Variants in PCDHGA4 observed in about 807,000 individuals in gnomAD.
The protein encoded by PCDHGA4 is protocadherin gamma-A4.
Under a neutral mutation model 54.6 loss-of-function variants are expected in PCDHGA4, and 38 were observed. The observed-to-expected ratio is 0.70, with a 90% confidence interval of 0.54 to 0.91. PCDHGA4 has a LOEUF of 0.91. PCDHGA4 is among the 40% of genes least tolerant of loss of function. The probability of loss-of-function intolerance (pLI) is 0.00; values close to 1 mark genes in which losing one functional copy is unlikely to be tolerated. For synonymous variants in PCDHGA4, 511 were observed against 512.9 expected (o/e 1.00, Z 0.05); for missense variants, 1,298 against 1,220.9 (o/e 1.06, Z -0.94).
rs775037681 is a variant in PCDHGA4 at position 141,388,812 on chromosome 5, G to T, written c.2514+31191G>T. On this transcript the variant is annotated intron_variant, in intron 1 of 3. Transcript: ENST00000571252. Reference sequence around the variant, plus strand: ...TTTAAATACATTAGATTTTGAAGAAGTCAAAGAATATTCCATAGTTTTGGA... The same window carrying T: ...TTTAAATACATTAGATTTTGAAGAATTCAAAGAATATTCCATAGTTTTGGA... 2.1e-5 allele frequency: 34 copies of T among 1,613,816 alleles called. No homozygotes were observed. Among genetic ancestry groups the T allele is most frequent in the Non-Finnish European group, 2.8e-5 (33 of 1,179,866 alleles).
intron 1 of PCDHGA4, chr5:141,387,841 C>T: frequency 2.5e-6 from 4 of 1,597,678 alleles, no homozygotes; most frequent in Non-Finnish European, 3.4e-6. Flanking sequence ...TATTTGTAAC[C>T]CGGCGTCTCC....
At chr5:141,510,682 G>C (rs1014890367) in intron 3 of PCDHGA4, among the ~76,000 whole-genome samples, 2 of 152,154 alleles carry the variant, frequency 1.3e-5, no homozygotes, top group Non-Finnish European at 2.9e-5. Context: ...GTGGCATAAG[G>C]AGGTTAGGTA....
chr5:141,480,241 A>C (rs895691864), intron 1 of PCDHGA4, among the ~76,000 whole-genome samples: 58 of 97,306 alleles, frequency 6.0e-4, no homozygotes, highest in African/African-American at 2.2e-3. Context: ...CTGTCTCTAC[A>C]AAAAAAAAAA....
chr5:141,451,001 A>G (rs909477017), intron 1 of PCDHGA4, among the ~76,000 whole-genome samples: 1 of 148,266 alleles, frequency 6.7e-6, no homozygotes, highest in African/African-American at 2.5e-5. Context: ...ATTTTTTTGT[A>G]TTTTTTTTAG....
chr5:141,383,340 T>C (rs1475808617), intron 1 of PCDHGA4: 15 of 1,614,016 alleles, frequency 9.3e-6, no homozygotes, highest in Non-Finnish European at 1.2e-5. Context: ...AGAATACAGC[T>C]CCTGGGGTTC....
chr5:141,418,693 T>G, intron 1 of PCDHGA4: 1 of 1,614,040 alleles, frequency 6.2e-7, no homozygotes, highest in Admixed American at 1.7e-5. Flanking sequence ...CAGAGATCAC[T>G]TATTCCTTCT....
At position 141,404,477 on chromosome 5, in the gene PCDHGA4, T is replaced by C. The variant is rs750187565; in HGVS notation, c.2514+46856T>C. On this transcript the variant is annotated intron_variant, in intron 1 of 3. Coordinates refer to ENST00000571252, the MANE Select transcript of PCDHGA4 (RefSeq NM_018917.4). ...TCTCTCCACCTATGTCTCTATTAAC[T>C]CAGACACTGGTGTGCTGTATGCTCT... is the stretch of plus-strand genomic sequence containing the variant. The C allele has an allele frequency of 3.1e-6, 5 of 1,613,408 alleles. No individual in the cohort carries two copies. In the South Asian group the frequency reaches 4.4e-5, roughly 14 times the overall value.
chr5:141,423,983 C>T, intron 1 of PCDHGA4: 5 of 1,107,052 alleles, frequency 4.5e-6, no homozygotes, highest in Non-Finnish European at 5.6e-6. Context: ...GTATGAGGCT[C>T]TCAATTTATT....
intron 1 of PCDHGA4, chr5:141,410,309 T>G: frequency 6.2e-7 from 1 of 1,613,998 alleles, no homozygotes; most frequent in Non-Finnish European, 8.5e-7. Flanking sequence ...CTCAGTGCTC[T>G]TCCTCCTCGC....
intron 3 of PCDHGA4, among the ~76,000 whole-genome samples, chr5:141,510,415 C>G (rs2099881071): frequency 6.6e-6 from 1 of 152,082 alleles, no homozygotes; most frequent in Admixed American, 6.5e-5. Flanking sequence ...GCATGTAAAG[C>G]CATGGTTTCA....
chr5:141,419,824 AGCCACTGCCACGCT>A, intron 1 of PCDHGA4: 1 of 1,614,038 alleles, frequency 6.2e-7, no homozygotes, highest in South Asian at 1.1e-5. Context: ...CACCCCTTTC[AGCCACTGCCACGCT>A]GCACCTGGTG....
chr5:141,476,557 C>T lies in PCDHGA4; in HGVS notation c.2515-18250C>T. On this transcript the variant is annotated intron_variant, in intron 1 of 3. Coordinates refer to ENST00000571252, the MANE Select transcript of PCDHGA4 (RefSeq NM_018917.4). This position sits in a 1 kb window ranked among gnomAD's most constrained non-coding sequence, Gnocchi z 7.6. ...AAATGAAATTGGAGATTAGCGAGGC[C>T]GTGGCTCCGGGGACGCGCTTTCCGC... The T allele has an allele frequency of 1.2e-6, 2 of 1,614,222 alleles. No homozygotes were observed. The highest frequency in any genetic ancestry group is 1.3e-5 in the African/African-American group (1 of 75,060).
At chr5:141,465,644 A>G (rs1320011410) in intron 1 of PCDHGA4, among the ~76,000 whole-genome samples, 2 of 152,186 alleles carry the variant, frequency 1.3e-5, no homozygotes, top group African/African-American at 4.8e-5. Context: ...TGCTTTGAAC[A>G]TCCCAAAAAA....
At chr5:141,438,591 C>CATATATATATATATATATAT (rs946798767) in intron 1 of PCDHGA4, among the ~76,000 whole-genome samples, 1 of 75,562 alleles carries the variant, frequency 1.3e-5, no homozygotes, top group Non-Finnish European at 2.7e-5. Context: ...TACATACATA[C>CATATATATATATATATATAT]ATATATATAT....
chr5:141,394,321 C>G (rs11575959), intron 1 of PCDHGA4: 43,282 of 1,613,954 alleles, frequency 0.027, 850 homozygotes, highest in African/African-American at 0.092. Flanking sequence ...CCCCTGTCCT[C>G]GTATATCTCC....
rs373163257 is a variant in PCDHGA4 at position 141,383,286 on chromosome 5, C to A, written c.2514+25665C>A. 1 of 1,613,888 alleles carries A rather than the reference C, an allele frequency of 6.2e-7. No individual in the cohort carries two copies. The highest frequency in any genetic ancestry group is 8.5e-7 in the Non-Finnish European group (1 of 1,179,856). Reference sequence around the variant, plus strand: ...TGGAAATAATAGATATTAATGACAACGTTCCAAGATTCTTGACGGAAGAAA... The same window carrying A: ...TGGAAATAATAGATATTAATGACAAAGTTCCAAGATTCTTGACGGAAGAAA... On this transcript the variant is annotated intron_variant, in intron 1 of 3. Transcript: ENST00000571252.
At chr5:141,441,398 G>A (rs1257981333) in intron 1 of PCDHGA4, 1 of 154,848 alleles carries the variant, frequency 6.5e-6, no homozygotes, top group Non-Finnish European at 1.4e-5. Context: ...TATAACATCA[G>A]CATCACTGCC....
chr5:141,391,882 A>C (rs2092435224), intron 1 of PCDHGA4: 1 of 152,226 alleles, frequency 6.6e-6, no homozygotes, highest in Middle Eastern at 3.2e-3. Flanking sequence ...CTTTGGTGAA[A>C]GGGATGGGAT....
At chr5:141,462,813 TTGG>T (rs1474162732) in intron 1 of PCDHGA4, among the ~76,000 whole-genome samples, 1 of 152,198 alleles carries the variant, frequency 6.6e-6, no homozygotes, top group African/African-American at 2.4e-5. Flanking sequence ...AATGTTTTTA[TTGG>T]ACAGCAGACA....
Sources: allele counts gnomAD v4.1 joint callset (sites outside exome capture counted in the v4.1 genomes callset), GRCh38; gene constraint gnomAD v4.1.1; non-coding constraint Gnocchi (gnomAD v3.1); transcripts MANE v1.5; gene names NCBI Gene and HGNC (gene_info 2026-07-23, HGNC 2026-07-21).